Variants in USP54 observed in about 807,000 individuals in gnomAD.
USP54 encodes the protein ubiquitin specific peptidase 54.
In USP54, 87 loss-of-function variants were observed where a neutral mutation model predicts 170.5. The observed-to-expected ratio is 0.51, with a 90% CI of 0.43 to 0.61. The LOEUF (loss-of-function observed/expected upper bound fraction) is 0.61. Among genes scored for constraint, USP54 ranks in the 20% least tolerant of loss-of-function variants. The pLI is 0.00. For missense variants in USP54, 1,786 were observed against 2,047.8 expected (o/e 0.87, Z 2.47); for synonymous variants, 655 against 742.8 (o/e 0.88, Z 1.92).
At chr10:73,587,437 T>C (rs2077637073) in intron 1 of USP54, among the ~76,000 whole-genome samples, 1 of 151,726 alleles carries the variant, frequency 6.6e-6, no homozygotes, top group African/African-American at 2.4e-5. Context: ...ACTGCGCCAC[T>C]GCACTCCAGC....
In USP54 at chr10:73,575,581, G is replaced by A. The variant is rs769384843; in HGVS notation, c.78C>T (p.Ser26=). 4 of 1,614,022 alleles carry A rather than the reference G, an allele frequency of 2.5e-6. No homozygotes were observed. Among genetic ancestry groups the A allele is most frequent in the Non-Finnish European group, 3.4e-6 (4 of 1,179,982 alleles). Residue 26 remains serine, a synonymous_variant, in exon 3 of 24, where the codon TCC becomes TCT. Coordinates refer to ENST00000687698, the MANE Select transcript of USP54 (RefSeq NM_001391956.1). ...QGMFAPRSST[S]IAPSKGLSNE... is the part of the protein sequence containing the mutation. ...TGCTGAGGCCTTTGCTGGGGGCTAT[G>A]GAGGTTGAGCTTCGAGGTGCAAACA...
At chr10:73,589,087 A>G (rs1301040956) in intron 1 of USP54, among the ~76,000 whole-genome samples, 3 of 152,236 alleles carry the variant, frequency 2.0e-5, no homozygotes, top group Admixed American at 6.5e-5. Flanking sequence ...TCAATACTTT[A>G]TTAGAATACA....
chr10:73,529,982 A>T (rs961327031), intron 14 of USP54, 71 bp from the exon 15 acceptor site: 13 of 1,494,794 alleles, frequency 8.7e-6, no homozygotes, highest in South Asian at 1.4e-5. Context: ...AGACCTAACT[A>T]GCTCCTCCCT....
chr10:73,523,786 C>T (rs1019463481), intron 16 of USP54, 36 bp from the exon 17 acceptor site: 2 of 1,578,562 alleles, frequency 1.3e-6, no homozygotes, highest in Non-Finnish European at 1.7e-6. Context: ...ACCACATTTC[C>T]ATTACCAAGA....
At chr10:73,543,199 A>T (rs2066993906) in intron 5 of USP54, 68 bp from the exon 6 acceptor site, 1 of 1,137,786 alleles carries the variant, frequency 8.8e-7, no homozygotes, top group Non-Finnish European at 1.3e-6. Flanking sequence ...ATTGGTAAGC[A>T]GCTTACCCAT....
chr10:73,614,675 C>T (rs1334773635), intron 1 of USP54, among the ~76,000 whole-genome samples: 1 of 149,000 alleles, frequency 6.7e-6, no homozygotes, highest in East Asian at 1.9e-4. Context: ...ATTAAAGACA[C>T]GATATTCAAC....
chr10:73,598,782 T>C (rs543949379), intron 1 of USP54, among the ~76,000 whole-genome samples: 1 of 152,286 alleles, frequency 6.6e-6, no homozygotes, highest in Admixed American at 6.5e-5. Flanking sequence ...TAGCTGGGCG[T>C]GGCAGCGTGC....
intron 4 of USP54, among the ~76,000 whole-genome samples, chr10:73,561,775 A>G (rs2073119343): frequency 6.6e-6 from 1 of 152,252 alleles, no homozygotes; most frequent in South Asian, 2.1e-4. Context: ...ACTAACTTCA[A>G]TATAGCATTC....
At chr10:73,523,522 G>GT (rs1194604037) in intron 17 of USP54, 61 bp downstream of exon 17, 3 of 1,466,086 alleles carry the variant, frequency 2.0e-6, no homozygotes, top group African/African-American at 1.4e-5. Flanking sequence ...AAGCTTAGAT[G>GT]TTTTTTTCTA....
chr10:73,598,834 C>T (rs1488038107), intron 1 of USP54, among the ~76,000 whole-genome samples: 4 of 152,160 alleles, frequency 2.6e-5, no homozygotes, highest in African/African-American at 4.8e-5. Flanking sequence ...GCAGGAGAAT[C>T]GCTTGAACCC....
intron 1 of USP54, among the ~76,000 whole-genome samples, chr10:73,588,513 C>A (rs531583279): frequency 2.6e-4 from 39 of 152,336 alleles, no homozygotes; most frequent in African/African-American, 8.7e-4. Context: ...CGTGAGCCAC[C>A]GCGCCCAGCC....
rs1236122443 is a variant in USP54, at chr10:73,502,633, C to G, written c.4312-1795G>C. Among the ~76,000 whole-genome samples, 5 of 152,132 alleles carry G rather than the reference C, an allele frequency of 3.3e-5. No individual in the cohort carries two copies. The South Asian group carries it at 8.3e-4, about 25-fold the overall frequency. On this transcript the variant is annotated intron_variant, in intron 22 of 23. Transcript: ENST00000687698. ...CGGCTATTCCTTTCTTCTTGAAACACTCTCCCCTTGGTGACTATGGTACCA... is the reference window on the plus strand; with the variant it reads ...CGGCTATTCCTTTCTTCTTGAAACAGTCTCCCCTTGGTGACTATGGTACCA...
chr10:73,519,680 T>C (rs1183692001), intron 19 of USP54, 117 bp downstream of exon 19: 3 of 1,467,958 alleles, frequency 2.0e-6, no homozygotes, highest in South Asian at 2.6e-5. Flanking sequence ...AGAAAATCTT[T>C]TCAGAGGACT....
intron 4 of USP54, among the ~76,000 whole-genome samples, chr10:73,546,363 G>GT (rs1468185186): frequency 6.6e-6 from 1 of 152,018 alleles, no homozygotes; most frequent in Non-Finnish European, 1.5e-5. Context: ...TCTTGTTGTT[G>GT]TTTTTTTGAA....
At chr10:73,506,611 G>T (rs1418337526) in intron 20 of USP54, 1 of 151,822 alleles carries the variant, frequency 6.6e-6, no homozygotes, top group Non-Finnish European at 1.5e-5. Flanking sequence ...AGTATTCCTG[G>T]GTACTTAAAT....
At chr10:73,512,894 G>A (rs1467612903) in intron 20 of USP54, among the ~76,000 whole-genome samples, 2 of 151,942 alleles carry the variant, frequency 1.3e-5, no homozygotes, top group East Asian at 3.9e-4. Flanking sequence ...GTATGGTAGT[G>A]CATGCCTGTA....
chr10:73,548,671 T>C (rs1185854124), intron 4 of USP54, among the ~76,000 whole-genome samples: 2 of 152,084 alleles, frequency 1.3e-5, no homozygotes, highest in Admixed American at 6.6e-5. Flanking sequence ...TAGGTGGGAA[T>C]TGAAGAATGA....
chr10:73,566,155 G>C (rs150884597), intron 4 of USP54, among the ~76,000 whole-genome samples: 1 of 151,788 alleles, frequency 6.6e-6, no homozygotes, highest in Non-Finnish European at 1.5e-5. Flanking sequence ...ACTTGAACCC[G>C]GGAGGCGGAG....
At chr10:73,624,177 TATATATATATATATATATGTA>T (rs1564974741) in intron 1 of USP54, among the ~76,000 whole-genome samples, 67 of 111,116 alleles carry the variant, frequency 6.0e-4, no homozygotes, top group African/African-American at 1.8e-3. Context: ...TATATATATA[TATATATATATATATATATGTA>T]TTTTTTTTTT....
Sources: allele counts gnomAD v4.1 joint callset (sites outside exome capture counted in the v4.1 genomes callset), GRCh38; gene constraint gnomAD v4.1.1; transcripts MANE v1.5; gene names NCBI Gene and HGNC (gene_info 2026-07-23, HGNC 2026-07-21).